LRBA: variants seen among roughly 807,000 people sequenced by gnomAD.
LRBA encodes LPS responsive beige-like anchor protein.
In LRBA, 176 loss-of-function variants were observed where a neutral mutation model predicts 330.0. The observed-to-expected ratio is 0.53, with a 90% CI of 0.47 to 0.60. The LOEUF (loss-of-function observed/expected upper bound fraction) is 0.60, where lower values mean the gene tolerates loss of function less well. Ranked by LOEUF, LRBA falls within the 20% of genes least tolerant of loss-of-function variation. LRBA has a pLI of 0.00. For missense variants in LRBA, 3,259 were observed against 3,444.8 expected (o/e 0.95, Z 1.35); for synonymous variants, 1,230 against 1,193.0 (o/e 1.03, Z -0.64).
At chr4:150,336,710 C>T (rs911532131) in intron 48 of LRBA, among the ~76,000 whole-genome samples, 2 of 152,232 alleles carry the variant, frequency 1.3e-5, no homozygotes, top group East Asian at 1.9e-4. Context: ...GTGCCTGTAA[C>T]GGAGCCCGTA....
intron 2 of LRBA, among the ~76,000 whole-genome samples, chr4:150,964,877 ATG>A (rs1319978986): frequency 2.0e-5 from 3 of 152,252 alleles, no homozygotes; most frequent in Non-Finnish European, 4.4e-5. Context: ...AAGGATACAA[ATG>A]GATAATTCAA....
intron 2 of LRBA, among the ~76,000 whole-genome samples, chr4:150,980,425 T>C (rs894699970): frequency 6.6e-6 from 1 of 152,168 alleles, no homozygotes; most frequent in Admixed American, 6.5e-5. Context: ...ACAACAAAGA[T>C]GCCCACTATC....
chr4:150,793,617 C>A (rs1202298472), intron 34 of LRBA, among the ~76,000 whole-genome samples: 2 of 152,040 alleles, frequency 1.3e-5, no homozygotes, highest in East Asian at 3.9e-4. Flanking sequence ...AAAAAAAACA[C>A]AGTGCTTGTC....
intron 34 of LRBA, among the ~76,000 whole-genome samples, chr4:150,768,480 T>C (rs138330704): frequency 7.9e-4 from 120 of 152,326 alleles, no homozygotes; most frequent in African/African-American, 2.6e-3. Flanking sequence ...AGAAAAGTTA[T>C]AATTAAGGAA....
Position 150,870,585 on chromosome 4 carries a change from T to A in LRBA, c.2389A>T (p.Thr797Ser). The change falls in exon 20 of 57, where the codon ACT becomes TCT. Residue 797 changes from threonine (T) to serine (S), a missense_variant. Physicochemically the swap from Thr to Ser is moderately conservative, Grantham distance 58. Coordinates refer to ENST00000651943, the MANE Select transcript of LRBA (RefSeq NM_001364905.1). Reference protein sequence around the residue: ...LFEILIEQIGTQVIHKQHPDP... With the variant: ...LFEILIEQIGSQVIHKQHPDP... ...GGATGCTGTTTATGTATCACCTGAGTACCAATCTGTTCTATAAGAATCTAC... is the reference window on the plus strand; with the variant it reads ...GGATGCTGTTTATGTATCACCTGAGAACCAATCTGTTCTATAAGAATCTAC... The A allele has an allele frequency of 1.3e-6, 2 of 1,570,810 alleles. No individual in the cohort carries two copies. The highest frequency in any genetic ancestry group is 1.1e-5 in the South Asian group (1 of 90,214).
intron 40 of LRBA, among the ~76,000 whole-genome samples, chr4:150,559,789 T>A (rs1767949200): frequency 1.2e-5 from 1 of 83,792 alleles, no homozygotes; most frequent in Non-Finnish European, 2.1e-5. Context: ...TTATATTATA[T>A]ATAATTATAA....
intron 44 of LRBA, among the ~76,000 whole-genome samples, chr4:150,445,567 G>C (rs1336253579): frequency 6.6e-6 from 1 of 151,726 alleles, no homozygotes; most frequent in Non-Finnish European, 1.5e-5. Context: ...TAAAAAGCAA[G>C]GAGGATTCCA....
At chr4:150,488,928 T>C (rs1481751981) in intron 41 of LRBA, among the ~76,000 whole-genome samples, 1 of 125,860 alleles carries the variant, frequency 7.9e-6, no homozygotes, top group African/African-American at 2.9e-5. Flanking sequence ...CATAAGAATA[T>C]ATACACACAC....
intron 36 of LRBA, among the ~76,000 whole-genome samples, chr4:150,692,930 T>C (rs1784268736): frequency 3.9e-5 from 6 of 152,184 alleles, no homozygotes; most frequent in Admixed American, 3.9e-4. Flanking sequence ...AATTCCACCA[T>C]ACAGAAATGC....
chr4:150,827,507 C>A (rs1382028731), intron 30 of LRBA, among the ~76,000 whole-genome samples: 1 of 152,114 alleles, frequency 6.6e-6, no homozygotes, highest in Non-Finnish European at 1.5e-5. Flanking sequence ...TCAGCATACT[C>A]AACATGAAGA....
intron 2 of LRBA, among the ~76,000 whole-genome samples, chr4:150,992,327 A>G (rs72721729): frequency 2.3e-4 from 35 of 151,980 alleles, no homozygotes; most frequent in Non-Finnish European, 4.3e-4. Context: ...AAAAAAAAAA[A>G]AAGGTAACGA....
intron 36 of LRBA, chr4:150,721,123 C>A: frequency 1.7e-6 from 1 of 592,084 alleles, no homozygotes; most frequent in Admixed American, 1.9e-5. Context: ...TGGGGAGATA[C>A]TCTGGAGGAA....
intron 56 of LRBA, among the ~76,000 whole-genome samples, chr4:150,275,026 C>T (rs1297028280): frequency 6.6e-6 from 1 of 152,102 alleles, no homozygotes; most frequent in African/African-American, 2.4e-5. Flanking sequence ...TGCGAAAATC[C>T]TCAATAAAAT....
At position 150,310,217 on chromosome 4, in the gene LRBA, A is replaced by G; in HGVS notation, c.7849+12T>C. On this transcript the variant is annotated intron_variant, in intron 52 of 56. Coordinates refer to ENST00000651943, the MANE Select transcript of LRBA (RefSeq NM_001364905.1). ...TAAACTTTAGTTCACTGATAAAGAA[A>G]ATGAAAATTACCTGTGTCTGTAGAA... The G allele has an allele frequency of 6.3e-7, 1 of 1,596,224 alleles. No homozygotes were observed.
chr4:150,839,069 T>C (rs896764963), intron 28 of LRBA, among the ~76,000 whole-genome samples: 14 of 152,068 alleles, frequency 9.2e-5, no homozygotes, highest in African/African-American at 3.4e-4. Flanking sequence ...CATCAAAAAG[T>C]GGGCGAAGGA....
chr4:150,465,480 G>A (rs1755328638), intron 44 of LRBA, among the ~76,000 whole-genome samples: 1 of 152,080 alleles, frequency 6.6e-6, no homozygotes, highest in African/African-American at 2.4e-5. Flanking sequence ...GCACCAGCAT[G>A]CACAAGGGTT....
chr4:150,933,870 A>G (rs2149516160), intron 2 of LRBA, among the ~76,000 whole-genome samples: 1 of 152,022 alleles, frequency 6.6e-6, no homozygotes, highest in Middle Eastern at 3.4e-3. Flanking sequence ...AAAATAAAAC[A>G]AAAAATTAGC....
At chr4:150,631,434 G>C (rs763744029) in intron 37 of LRBA, among the ~76,000 whole-genome samples, 1 of 152,128 alleles carries the variant, frequency 6.6e-6, no homozygotes, top group Non-Finnish European at 1.5e-5. Context: ...TTAGGAACAT[G>C]TTAAGTTATA....
chr4:150,633,547 C>T (rs190391197), intron 37 of LRBA, among the ~76,000 whole-genome samples: 4 of 152,278 alleles, frequency 2.6e-5, no homozygotes, highest in East Asian at 3.9e-4. Context: ...TGAAAGGCAT[C>T]GTAGTTCATC....
Sources: allele counts gnomAD v4.1 joint callset (sites outside exome capture counted in the v4.1 genomes callset), GRCh38; gene constraint gnomAD v4.1.1; transcripts MANE v1.5; gene names NCBI Gene and HGNC (gene_info 2026-07-23, HGNC 2026-07-21).